Variants in FAM13A observed in about 807,000 individuals in gnomAD.
FAM13A encodes protein FAM13A.
Under a neutral mutation model 129.6 loss-of-function variants are expected in FAM13A, and 76 were observed. The observed-to-expected ratio is 0.59, with a 90% CI of 0.49 to 0.71. The LOEUF is 0.71. FAM13A is among the 30% of genes least tolerant of loss of function. FAM13A has a pLI of 0.00. For missense variants in FAM13A, 1,108 were observed against 1,249.3 expected, an observed-to-expected ratio of 0.89 and a Z score of 1.70; for synonymous variants, 443 against 449.9, an observed-to-expected ratio of 0.98 and a Z score of 0.20.
rs773764813 is a variant in FAM13A, at chr4:88,961,347, CTTTTTTTTTTTTTTTTTTTTT to C, written c.606-23127_606-23107del. 1.5e-3 allele frequency among the ~76,000 whole-genome samples: 83 copies of C among 55,434 alleles called. 1 individual carries two copies. Among genetic ancestry groups the C allele is most frequent in the South Asian group, 7.0e-3 (14 of 2,006 alleles). 36.4% of individuals were successfully genotyped at this position (55,434 alleles called of 152,430 possible). ...AAATCCTCAGCTTTGTGGAATTTGC[CTTTTTTTTTTTTTTTTTTTTT>C]TTTTTTTTTTTTTTTTTGAGACTGA... On this transcript the variant is annotated intron_variant, in intron 4 of 23. Coordinates refer to ENST00000264344, the MANE Select transcript of FAM13A (RefSeq NM_014883.4).
rs980160522 is a variant in FAM13A, at chr4:88,938,082, G to T, written c.759+6C>A. 2 of 1,609,296 alleles carry T rather than the reference G, an allele frequency of 1.2e-6. No individual in the cohort carries two copies. The highest frequency in any genetic ancestry group is 1.7e-6 in the Non-Finnish European group (2 of 1,176,528). ...AATACTGAAAATTAAAAACCAAGTT[G>T]CTTACTTTTACTATGATAAGCCTAG... On this transcript the variant is annotated splice_donor_region_variant and intron_variant, in intron 5 of 23. Transcript: ENST00000264344.
In FAM13A at chr4:88,991,432, C is replaced by T. The variant is rs10033435; in HGVS notation, c.428-282G>A. ...CAGCCTGGGCAACAGGGAGAGACTC[C>T]GTCTCAAAATAAAAAATAATAATAA... On this transcript the variant is annotated intron_variant, in intron 3 of 23. Coordinates refer to ENST00000264344, the MANE Select transcript of FAM13A (RefSeq NM_014883.4). 0.11 allele frequency among the ~76,000 whole-genome samples: 16,687 copies of T among 151,784 alleles called. 990 individuals are homozygous for T. Among genetic ancestry groups the T allele is most frequent in the African/African-American group, 0.15 (6,341 of 41,366 alleles).
rs1447247248 is a variant in FAM13A, at chr4:88,747,744, T to G, written c.2269A>C (p.Lys757Gln). ...ATTGCTTTATCCACCAGCTCTTGCT[T>G]CTTCTCATCTTCTTTCTCAAGTTGG... ...GSQLEKEDEK[K>Q]QELVDKAIKP... The change falls in exon 18 of 24, where the codon AAG becomes CAG. Residue 757 changes from lysine to glutamine, a missense_variant. This residue lies in a region of FAM13A where 529 missense variants were observed against 621.2 expected (regional missense o/e 0.85). Transcript: ENST00000264344. 1 of 1,614,214 alleles carries G rather than the reference T, an allele frequency of 6.2e-7. No homozygotes were observed. The highest frequency in any genetic ancestry group is 1.7e-5 in the Admixed American group (1 of 60,034).
At chr4:88,921,619 G>A (rs545436397) in intron 5 of FAM13A, among the ~76,000 whole-genome samples, 13 of 152,238 alleles carry the variant, frequency 8.5e-5, no homozygotes, top group Admixed American at 5.2e-4. Context: ...AAAGACCTTC[G>A]AGACTAGGAA....
intron 5 of FAM13A, among the ~76,000 whole-genome samples, chr4:88,920,897 G>A (rs1205873288): frequency 1.3e-5 from 2 of 152,202 alleles, no homozygotes; most frequent in Admixed American, 6.5e-5. Flanking sequence ...AGAACTACGT[G>A]AAGAATGTAG....
intron 11 of FAM13A, among the ~76,000 whole-genome samples, chr4:88,770,492 C>T (rs548907848): frequency 1.8e-4 from 28 of 152,006 alleles, no homozygotes; most frequent in Non-Finnish European, 3.8e-4. Flanking sequence ...ATGACGATTT[C>T]CAAAGAACTA....
chr4:88,893,453 T>G (rs893938059), intron 6 of FAM13A, among the ~76,000 whole-genome samples: 1 of 152,062 alleles, frequency 6.6e-6, no homozygotes, highest in Admixed American at 6.6e-5. Context: ...TGAAACCCCG[T>G]CTTACTAAAA....
At position 88,739,074 on chromosome 4, in the gene FAM13A, G is replaced by A. The variant is rs1244471931; in HGVS notation, c.2518C>T (p.Leu840=). The A allele has an allele frequency of 6.2e-7, 1 of 1,613,898 alleles. No individual in the cohort carries two copies. The highest frequency in any genetic ancestry group is 8.5e-7 in the Non-Finnish European group (1 of 1,179,872). The change falls in exon 20 of 24, where the codon CTG becomes TTG. Residue 840 remains leucine, a synonymous_variant. Transcript: ENST00000264344. The part of the protein sequence containing the change: ...VMKPLYDRYR[L]VKQILSRANT... ...GCTCGGGAGAGGATCTGTTTGACCA[G>A]CCGGTACCTGTCGTATAGTGGCTTC...
chr4:88,954,900 A>G (rs1044611054), intron 4 of FAM13A, among the ~76,000 whole-genome samples: 13 of 151,706 alleles, frequency 8.6e-5, no homozygotes, highest in African/African-American at 2.7e-4. Context: ...AAAAAAAAAA[A>G]GAAAAAATGT....
chr4:88,891,696 G>A (rs1745355382), intron 6 of FAM13A, among the ~76,000 whole-genome samples: 2 of 152,118 alleles, frequency 1.3e-5, no homozygotes, highest in African/African-American at 4.8e-5. Context: ...AAGAGTAAAA[G>A]AGAAAAGCCA....
At chr4:88,781,508 G>C (rs1219936256) in intron 10 of FAM13A, among the ~76,000 whole-genome samples, 157 bp from the exon 11 acceptor site, 1 of 152,040 alleles carries the variant, frequency 6.6e-6, no homozygotes, top group Non-Finnish European at 1.5e-5. Flanking sequence ...CCACTCCTGG[G>C]ACTGCTTGGT....
In FAM13A at chr4:88,726,454, G is replaced by A. The variant is rs1249422256; in HGVS notation, c.*2079C>T. 1 of 152,456 alleles carries A rather than the reference G, an allele frequency of 6.6e-6. No homozygotes were observed. The highest frequency in any genetic ancestry group is 2.4e-5 in the African/African-American group (1 of 41,400). The allele number at this position is 152,456 out of a possible 1,614,324, so 9.4% of individuals were successfully genotyped here. Reference sequence around the variant, plus strand: ...ATCTTTAGTTAATTTACCTTTGGCAGAAACAACAGATTCCAAAACAATTAG... The same window carrying A: ...ATCTTTAGTTAATTTACCTTTGGCAAAAACAACAGATTCCAAAACAATTAG... On this transcript the variant is annotated 3_prime_UTR_variant, in exon 24 of 24. Transcript: ENST00000264344.
intron 3 of FAM13A, among the ~76,000 whole-genome samples, chr4:88,991,528 G>A (rs1464418376): frequency 6.6e-6 from 1 of 152,076 alleles, no homozygotes; most frequent in Non-Finnish European, 1.5e-5. Flanking sequence ...TGCACAAAAT[G>A]GGTTTGTGTT....
rs1462709693 is a variant in FAM13A at position 88,726,757 on chromosome 4, G to A, written c.*1776C>T. The A allele has an allele frequency of 6.6e-6, 1 of 152,592 alleles. No homozygotes were observed. The highest frequency in any genetic ancestry group is 1.5e-5 in the Non-Finnish European group (1 of 68,032). 9.5% of individuals were successfully genotyped at this position (152,592 alleles called of 1,614,324 possible). On this transcript the variant is annotated 3_prime_UTR_variant, in exon 24 of 24. Coordinates refer to ENST00000264344, the MANE Select transcript of FAM13A (RefSeq NM_014883.4). ...TCACTCCTTGAAATTATAGCAATCTGCAATGTAAACAGTAGAGCAAAGAAT... is the reference window on the plus strand; with the variant it reads ...TCACTCCTTGAAATTATAGCAATCTACAATGTAAACAGTAGAGCAAAGAAT...
intron 5 of FAM13A, among the ~76,000 whole-genome samples, chr4:88,912,564 T>TACAC (rs1170258583): frequency 1.1e-5 from 1 of 87,292 alleles, no homozygotes; most frequent in African/African-American, 5.1e-5. Context: ...TTTACACACA[T>TACAC]ACATACACAC....
chr4:88,980,806 C>T (rs1020167858), intron 4 of FAM13A, among the ~76,000 whole-genome samples: 1 of 152,164 alleles, frequency 6.6e-6, no homozygotes, highest in African/African-American at 2.4e-5. Context: ...ATGACAGCAA[C>T]ATTATAATAT....
intron 7 of FAM13A, among the ~76,000 whole-genome samples, chr4:88,835,931 T>C (rs59473955): frequency 0.24 from 37,145 of 151,896 alleles, 5,218 homozygotes; most frequent in South Asian, 0.52. Context: ...CCCTGCTCTA[T>C]ATAATTTCTC....
intron 8 of FAM13A, among the ~76,000 whole-genome samples, chr4:88,799,587 G>A (rs1365577704): frequency 6.6e-6 from 1 of 151,974 alleles, no homozygotes; most frequent in Non-Finnish European, 1.5e-5. Flanking sequence ...CGGGTTCAGG[G>A]GATTCCCCTG....
rs13125590 is a variant in FAM13A, at chr4:88,878,105, C to A, written c.844-26922G>T. ...GAAATCAAGACCATCCTGGCTAACACGGTGAAACCCCGTCTCTACTAAAAA... is the reference window on the plus strand; with the variant it reads ...GAAATCAAGACCATCCTGGCTAACAAGGTGAAACCCCGTCTCTACTAAAAA... On this transcript the variant is annotated intron_variant, in intron 6 of 23. Transcript: ENST00000264344. 1.3e-5 allele frequency among the ~76,000 whole-genome samples: 2 copies of A among 151,516 alleles called. 1 individual carries two copies. The highest frequency in any genetic ancestry group is 4.9e-5 in the African/African-American group (2 of 41,190).
Sources: allele counts gnomAD v4.1 joint callset (sites outside exome capture counted in the v4.1 genomes callset), GRCh38; gene constraint gnomAD v4.1.1; regional missense constraint gnomAD v4.1.1; transcripts MANE v1.5; gene names NCBI Gene and HGNC (gene_info 2026-07-23, HGNC 2026-07-21).